Variants in RNF20 observed in about 807,000 individuals in gnomAD.
RNF20 encodes ring finger protein 20, also known as E3 ubiquitin-protein ligase BRE1A.
Under a neutral mutation model 126.2 loss-of-function variants are expected in RNF20, and 84 were observed. The observed-to-expected ratio is 0.67, with a 90% CI of 0.56 to 0.80. RNF20 has a LOEUF of 0.80. Among genes scored for constraint, RNF20 ranks in the 30% least tolerant of loss-of-function variants. The pLI, the probability that RNF20 is intolerant of heterozygous loss-of-function variation, is 0.00. For synonymous variants in RNF20, 400 were observed against 414.3 expected, an observed-to-expected ratio of 0.97 and a Z score of 0.42; for missense variants, 869 against 1,188.2, an observed-to-expected ratio of 0.73 and a Z score of 3.95.
At chr9:101,547,007 A>C in intron 7 of RNF20, 41 bp downstream of exon 7, 1 of 1,612,360 alleles carries the variant, frequency 6.2e-7, no homozygotes, top group Non-Finnish European at 8.5e-7. Context: ...AATCATTTTA[A>C]GGAGTGTTCT....
Position 101,546,746 on chromosome 9 carries a change from T to C in RNF20, c.748-74T>C, listed in dbSNP as rs187347300. Reference sequence around the variant, plus strand: ...TTTGCCTCTTTTCTATAATTACTCATAAGCAAGGGTTAATATTATGGAATT... The same window carrying C: ...TTTGCCTCTTTTCTATAATTACTCACAAGCAAGGGTTAATATTATGGAATT... On this transcript the variant is annotated intron_variant, in intron 6 of 19. Coordinates refer to ENST00000389120, the MANE Select transcript of RNF20 (RefSeq NM_019592.7). The C allele has an allele frequency of 1.7e-4, 259 of 1,497,600 alleles. 2 individuals are homozygous for C. The East Asian group carries it at 5.6e-3, about 32-fold the overall frequency. 92.8% of individuals were successfully genotyped at this position (1,497,600 alleles called of 1,614,324 possible).
chr9:101,548,850 A>G (rs1001489385), intron 9 of RNF20, among the ~76,000 whole-genome samples: 4 of 152,168 alleles, frequency 2.6e-5, no homozygotes, highest in Non-Finnish European at 5.9e-5. Flanking sequence ...TGTATACAAG[A>G]TGTTTGCAGG....
chr9:101,551,930 A>T, intron 11 of RNF20, 111 bp downstream of exon 11: 1 of 1,330,110 alleles, frequency 7.5e-7, no homozygotes, highest in Non-Finnish European at 1.0e-6. Context: ...AGTCATAAGT[A>T]CCTTAAATCC....
intron 18 of RNF20, 196 bp downstream of exon 18, chr9:101,561,426 G>C (rs796775414): frequency 7.2e-5 from 39 of 540,032 alleles, no homozygotes; most frequent in African/African-American, 7.1e-4. Context: ...GCACCTAGTA[G>C]GCACAAAATA....
At chr9:101,539,857 A>G (rs888728099) in intron 2 of RNF20, among the ~76,000 whole-genome samples, 5 of 152,054 alleles carry the variant, frequency 3.3e-5, no homozygotes, top group African/African-American at 1.2e-4. Context: ...TCTTTAATGA[A>G]GGAAGGATGG....
intron 16 of RNF20, among the ~76,000 whole-genome samples, chr9:101,559,897 T>C (rs1827598655): frequency 6.6e-6 from 1 of 152,214 alleles, no homozygotes; most frequent in Non-Finnish European, 1.5e-5. Flanking sequence ...TTTTATTTCT[T>C]TCTCTTGTCT....
chr9:101,556,478 A>T (rs1210894407), intron 15 of RNF20, among the ~76,000 whole-genome samples: 3 of 151,964 alleles, frequency 2.0e-5, no homozygotes, highest in Non-Finnish European at 4.4e-5. Context: ...GGACAAAATT[A>T]AAAAAAATAA....
intron 2 of RNF20, among the ~76,000 whole-genome samples, chr9:101,536,595 T>C (rs1288377459): frequency 2.6e-5 from 4 of 152,234 alleles, no homozygotes; most frequent in Non-Finnish European, 4.4e-5. Flanking sequence ...ATTTATTCAC[T>C]CAATATATAA....
In RNF20 at chr9:101,540,501, C is replaced by T; in HGVS notation, c.309C>T (p.Asn103=). The change falls in exon 4 of 20, where the codon AAC becomes AAT. Residue 103 remains asparagine, a synonymous_variant. Transcript: ENST00000389120. ...VNRYWSQFDE[N]IRIILKRYDL... is the part of the protein sequence containing the mutation. ...CTACCCTTCTCCAGTTTGATGAAAA[C>T]ATCCGTATCATCCTTAAACGTTATG... The T allele has an allele frequency of 6.2e-7, 1 of 1,613,858 alleles. No homozygotes were observed. The highest frequency in any genetic ancestry group is 1.1e-5 in the South Asian group (1 of 91,074).
At chr9:101,539,491 A>C (rs531578450) in intron 2 of RNF20, among the ~76,000 whole-genome samples, 1 of 152,336 alleles carries the variant, frequency 6.6e-6, no homozygotes, top group African/African-American at 2.4e-5. Flanking sequence ...AGATAGAAGG[A>C]GACCGAAAAG....
chr9:101,540,360 A>C lies in RNF20; in HGVS notation c.287A>C (p.Tyr96Ser). 2 of 1,614,206 alleles carry C rather than the reference A, an allele frequency of 1.2e-6. No individual in the cohort carries two copies. The highest frequency in any genetic ancestry group is 1.7e-6 in the Non-Finnish European group (2 of 1,180,022). Reference sequence around the variant, plus strand: ...GCCTCACTATTGATTGTCAACCGATACTGGAGTCAGGTAGCTAACTTGTTT... The same window carrying C: ...GCCTCACTATTGATTGTCAACCGATCCTGGAGTCAGGTAGCTAACTTGTTT... ...DDASLLIVNR[Y>S]WSQFDENIRI... The change falls in exon 3 of 20, where the codon TAC (tyrosine) becomes TCC (serine). Residue 96 changes from tyrosine (Y) to serine (S), a missense_variant. Around this residue, in one of 8 missense-constraint regions of RNF20, gnomAD observed 157 missense variants for 236.0 expected, o/e 0.67. Transcript: ENST00000389120.
At chr9:101,556,009 C>CTTT (rs147788792) in intron 15 of RNF20, among the ~76,000 whole-genome samples, 1 of 147,852 alleles carries the variant, frequency 6.8e-6, no homozygotes, top group Non-Finnish European at 1.5e-5. Flanking sequence ...GTAAATGCCA[C>CTTT]TTTTTTTTTT....
At chr9:101,534,297 G>T (rs1827149675) in intron 1 of RNF20, 1 of 152,130 alleles carries the variant, frequency 6.6e-6, no homozygotes, top group African/African-American at 2.4e-5. Flanking sequence ...GAGCACCCTG[G>T]GAGGTAGGCA....
chr9:101,540,846 A>G lies in RNF20; in HGVS notation c.499A>G (p.Ser167Gly). 1 of 1,614,028 alleles carries G rather than the reference A, an allele frequency of 6.2e-7. No homozygotes were observed. The highest frequency in any genetic ancestry group is 8.5e-7 in the Non-Finnish European group (1 of 1,179,990). ...CCTTGCTACTTTGGCCAGCAGTTCC[A>G]GTGAAGAGATGGAGTCTCAGCTGCA... ...SFLATLASSSSEEMESQLQER... is the reference protein window; with the variant it reads ...SFLATLASSSGEEMESQLQER... Residue 167 changes from serine (S) to glycine (G), a missense_variant, in exon 5 of 20, where the codon AGT becomes GGT. Ser to Gly is a moderately conservative substitution (Grantham distance 56, BLOSUM62 0). Around this residue, in one of 8 missense-constraint regions of RNF20, gnomAD observed 157 missense variants for 236.0 expected, o/e 0.67. Transcript: ENST00000389120.
At position 101,551,789 on chromosome 9, in the gene RNF20, G is replaced by T; in HGVS notation, c.1378G>T (p.Glu460Ter). The stretch of plus-strand genomic sequence containing the variant: ...GTATGAAATGCTGAGGATAGAATTT[G>T]AGCAGACCCTTGCTGCCAATGAACA... ...KEYEMLRIEF[E>*]QTLAANEQAG... Residue 460 changes from glutamate (E) to a stop codon, truncating the protein, a stop_gained, in exon 11 of 20, where the codon GAG (glutamate) becomes TAG (stop). Transcript: ENST00000389120. LOFTEE classifies it high-confidence loss of function. The T allele has an allele frequency of 6.2e-7, 1 of 1,612,002 alleles. No individual in the cohort carries two copies. The highest frequency in any genetic ancestry group is 1.1e-5 in the South Asian group (1 of 90,542).
intron 1 of RNF20, chr9:101,534,423 C>G (rs1827151341): frequency 1.3e-5 from 2 of 152,114 alleles, no homozygotes; most frequent in African/African-American, 4.8e-5. Flanking sequence ...AATTCGCACC[C>G]AGGTCTAACT....
Position 101,562,376 on chromosome 9 carries a change from A to G in RNF20, c.2882A>G (p.Asn961Ser). Reference sequence around the variant, plus strand: ...CGCCAGCGCAAATGTCCCAAGTGTAATGCTGCTTTTGGTGCCAATGATTTT... The same window carrying G: ...CGCCAGCGCAAATGTCCCAAGTGTAGTGCTGCTTTTGGTGCCAATGATTTT... ...DTRQRKCPKC[N>S]AAFGANDFHR... is the part of the protein sequence containing the mutation. Residue 961 changes from asparagine (N) to serine (S), a missense_variant, in exon 20 of 20, where the codon AAT becomes AGT. By Grantham distance (46) the Asn-to-Ser change is conservative (BLOSUM62 1). This residue lies in a region of RNF20 where 36 missense variants were observed against 85.6 expected (regional missense o/e 0.42). Coordinates refer to ENST00000389120, the MANE Select transcript of RNF20 (RefSeq NM_019592.7). The G allele has an allele frequency of 6.2e-7, 1 of 1,613,962 alleles. No homozygotes were observed. Among genetic ancestry groups the G allele is most frequent in the Non-Finnish European group, 8.5e-7 (1 of 1,179,956 alleles).
chr9:101,540,423 T>C, intron 3 of RNF20, 53 bp downstream of exon 3: 1 of 1,611,816 alleles, frequency 6.2e-7, no homozygotes, highest in Non-Finnish European at 8.5e-7. Flanking sequence ...TTAGTTCTCC[T>C]TACTGTTCTC....
chr9:101,557,880 T>C (rs1209601343), intron 16 of RNF20, among the ~76,000 whole-genome samples: 4 of 152,158 alleles, frequency 2.6e-5, no homozygotes, highest in African/African-American at 9.7e-5. Flanking sequence ...AAAGTATATG[T>C]TTACTTGTGT....
Sources: gnomAD v4.1 joint callset for allele counts (sites outside exome capture counted in the v4.1 genomes callset) on GRCh38, gnomAD v4.1.1 for gene constraint, gnomAD v4.1.1 regional missense constraint, MANE v1.5 for transcripts, NCBI Gene and HGNC (gene_info 2026-07-23, HGNC 2026-07-21) for gene names.